NBPF15: variants seen among roughly 807,000 people sequenced by gnomAD.
NBPF15 encodes NBPF family member NBPF15.
In NBPF15, 74 loss-of-function variants were observed where a neutral mutation model predicts 62.2. The ratio of observed to expected loss-of-function variants is 1.19; its 90% CI spans 0.99 to 1.44. NBPF15 has a LOEUF of 1.44. NBPF15 is among the 40% of genes most tolerant of loss of function. NBPF15 has a pLI of 0.00. For missense variants in NBPF15, 790 were observed against 550.0 expected, an observed-to-expected ratio of 1.44 and a Z score of -4.36; for synonymous variants, 244 against 209.7, an observed-to-expected ratio of 1.16 and a Z score of -1.41.
chr1:144,450,940 G>T lies in NBPF15; in HGVS notation c.-431-70C>A, dbSNP rs368571967. 2.5e-5 allele frequency: 4 copies of T among 159,442 alleles called. No individual in the cohort carries two copies. In the East Asian group the frequency reaches 5.8e-4, roughly 23 times the overall value. 9.9% of individuals were successfully genotyped at this position (159,442 alleles called of 1,614,324 possible). A position where few individuals can be genotyped will look rare whatever the true frequency, so the allele number is the denominator to read the frequency against. ...CACACCTGTGGGCGTTTCTCGTTAGGTGGAAGGAGAGACTTGGAAAAGAAA... is the reference window on the plus strand; with the variant it reads ...CACACCTGTGGGCGTTTCTCGTTAGTTGGAAGGAGAGACTTGGAAAAGAAA... On this transcript the variant is annotated intron_variant, in intron 4 of 21. Coordinates refer to ENST00000581897, the MANE Select transcript of NBPF15 (RefSeq NM_001385408.1).
chr1:144,455,003 A>C (rs1693494620), intron 4 of NBPF15, among the ~76,000 whole-genome samples: 1 of 151,602 alleles, frequency 6.6e-6, no homozygotes, highest in African/African-American at 2.4e-5. Context: ...AGTAGAACAA[A>C]AAGGAAAGAA....
intron 4 of NBPF15, among the ~76,000 whole-genome samples, chr1:144,455,089 G>GAGGAAGGAAGGAAGGA (rs142085487): frequency 1.4e-5 from 2 of 139,922 alleles, no homozygotes; most frequent in South Asian, 4.8e-4. Flanking sequence ...GGGAAGGAAG[G>GAGGAAGGAAGGAAGGA]AGGAAGGAAG....
rs1252459235 is a variant in NBPF15 at position 144,428,347 on chromosome 1, C to T, written c.1040+259G>A. Among the ~76,000 whole-genome samples, 6 of 151,906 alleles carry T rather than the reference C, an allele frequency of 3.9e-5. No homozygotes were observed. In the South Asian group the frequency reaches 6.2e-4, roughly 16 times the overall value. On this transcript the variant is annotated intron_variant, in intron 15 of 21. Transcript: ENST00000581897. ...CCTCAATAATTTTGCATAAAATGTG[C>T]TCAAGTTTCCCTGCAGTTACCATGA...
chr1:144,424,392 C>T (rs1448636298), intron 20 of NBPF15, among the ~76,000 whole-genome samples: 1 of 151,724 alleles, frequency 6.6e-6, no homozygotes, highest in East Asian at 2.0e-4. Context: ...ATCTACAAAC[C>T]CTTGAGTCAA....
intron 8 of NBPF15, among the ~76,000 whole-genome samples, chr1:144,438,747 G>A (rs1356631902): frequency 9.9e-5 from 15 of 151,890 alleles, no homozygotes; most frequent in African/African-American, 3.6e-4. Flanking sequence ...ACAGAGGTAG[G>A]TATTATTGTA....
rs1652976123 is a variant in NBPF15, at chr1:144,461,374, G to C, written c.-938+7C>G. ...CCCAGCTGTGTACCCGCGGGTCCCG[G>C]ACTCACCGCCCGCCCGGCCTGGCGC... On this transcript the variant is annotated splice_region_variant and intron_variant, in intron 1 of 21. Coordinates refer to ENST00000581897, the MANE Select transcript of NBPF15 (RefSeq NM_001385408.1). 2 of 151,852 alleles carry C rather than the reference G, an allele frequency of 1.3e-5. No individual in the cohort carries two copies. The highest frequency in any genetic ancestry group is 4.2e-4 in the South Asian group (2 of 4,810). The allele number at this position is 151,852 out of a possible 1,614,324, so 9.4% of individuals were successfully genotyped here.
At chr1:144,438,840 C>G (rs1212285738) in intron 8 of NBPF15, among the ~76,000 whole-genome samples, 1 of 151,930 alleles carries the variant, frequency 6.6e-6, no homozygotes, top group Non-Finnish European at 1.5e-5. Flanking sequence ...CCCACAGTCC[C>G]TGCTCTGTAC....
At chr1:144,436,143 TC>T (rs1217792473) in intron 10 of NBPF15, among the ~76,000 whole-genome samples, 1 of 151,998 alleles carries the variant, frequency 6.6e-6, no homozygotes, top group Non-Finnish European at 1.5e-5. Context: ...GGCAGCTGTC[TC>T]CCCCATCCTG....
chr1:144,446,243 A>T (rs1309343941), intron 6 of NBPF15, among the ~76,000 whole-genome samples: 1 of 150,166 alleles, frequency 6.7e-6, no homozygotes, highest in Non-Finnish European at 1.5e-5. Flanking sequence ...CTCATTGCTA[A>T]TATACAGAAA....
chr1:144,427,644 A>T (rs1377198030), intron 16 of NBPF15, among the ~76,000 whole-genome samples, 174 bp downstream of exon 16: 6 of 146,004 alleles, frequency 4.1e-5, no homozygotes, highest in Non-Finnish European at 8.9e-5. Flanking sequence ...TCACTGATCC[A>T]TCCCTTGTCT....
At chr1:144,445,348 TATATATACACACAC>T (rs1331126003) in intron 6 of NBPF15, among the ~76,000 whole-genome samples, 28 of 130,098 alleles carry the variant, frequency 2.2e-4, no homozygotes, top group African/African-American at 6.0e-4. Context: ...TATATATATA[TATATATACACACAC>T]ACACACACAC....
In NBPF15 at chr1:144,447,045, AACC is replaced by A. The variant is rs1355289656; in HGVS notation, c.-191+1727_-191+1729del. Among the ~76,000 whole-genome samples, 17 of 151,178 alleles carry A rather than the reference AACC, an allele frequency of 1.1e-4. No individual in the cohort carries two copies. In the East Asian group the frequency reaches 2.5e-3, roughly 23 times the overall value. ...TCCCAGACACCTCACAATGATTAGTAACCACCACATGTCCCTGCCTCTCAAGGA... is the reference window on the plus strand; with the variant it reads ...TCCCAGACACCTCACAATGATTAGTAACCACATGTCCCTGCCTCTCAAGGA... On this transcript the variant is annotated intron_variant, in intron 6 of 21. Transcript: ENST00000581897.
In NBPF15 at chr1:144,423,898, C is replaced by G. The variant is rs1313152389; in HGVS notation, c.1741G>C (p.Gly581Arg). ...KKKRRRGRKE[G>R]EDDNPPCPRL... ...GGGCATGGTGGGTTGTCATCTTCCCCTTCTTTTCTTCCCCTTCTTCTTTTC... is the reference window on the plus strand; with the variant it reads ...GGGCATGGTGGGTTGTCATCTTCCCGTTCTTTTCTTCCCCTTCTTCTTTTC... Residue 581 changes from glycine (G) to arginine (R), a missense_variant, in exon 21 of 22, where the codon GGG (glycine) becomes CGG (arginine). Physicochemically the swap from Gly to Arg is moderately radical, Grantham distance 125. Transcript: ENST00000581897. The G allele has an allele frequency of 2.2e-5, 17 of 785,690 alleles. No individual in the cohort carries two copies. In the African/African-American group the frequency reaches 2.2e-4, roughly 10 times the overall value. The allele number at this position is 785,690 out of a possible 1,614,324, so 48.7% of individuals were successfully genotyped here.
At chr1:144,457,356 G>A (rs79783518) in intron 3 of NBPF15, among the ~76,000 whole-genome samples, 8 of 152,038 alleles carry the variant, frequency 5.3e-5, no homozygotes, top group Admixed American at 2.6e-4. Flanking sequence ...TCTACAGGCT[G>A]TCTCGCTGAG....
Position 144,422,860 on chromosome 1 carries a change from G to T in NBPF15, c.*153C>A. On this transcript the variant is annotated 3_prime_UTR_variant, in exon 22 of 22. Coordinates refer to ENST00000581897, the MANE Select transcript of NBPF15 (RefSeq NM_001385408.1). Reference sequence around the variant, plus strand: ...ATTGTCTTCAGATTGAGCACAGGTTGCCAATGGCATGGTTTGAGAATAGGA... The same window carrying T: ...ATTGTCTTCAGATTGAGCACAGGTTTCCAATGGCATGGTTTGAGAATAGGA... 1 of 1,565,340 alleles carries T rather than the reference G, an allele frequency of 6.4e-7. No homozygotes were observed. Among genetic ancestry groups the T allele is most frequent in the Non-Finnish European group, 8.7e-7 (1 of 1,154,928 alleles).
chr1:144,431,523 A>AG (rs1358670942), intron 13 of NBPF15, among the ~76,000 whole-genome samples: 1 of 150,740 alleles, frequency 6.6e-6, no homozygotes, highest in Admixed American at 6.6e-5. Context: ...TTTAAGTCTT[A>AG]GGGTACATGT....
chr1:144,440,076 A>G, intron 7 of NBPF15, 38 bp from the exon 8 acceptor site: 1 of 1,571,400 alleles, frequency 6.4e-7, no homozygotes, highest in Non-Finnish European at 8.7e-7. Context: ...TGGGTTAAAA[A>G]CTGGTGAAAT....
At chr1:144,461,314 C>T (rs1214948112) in intron 1 of NBPF15, 67 bp downstream of exon 1, 51 of 151,446 alleles carry the variant, frequency 3.4e-4, no homozygotes, top group African/African-American at 1.2e-3. Flanking sequence ...CGCCCTCCGT[C>T]GCTCGCAACA....
rs587750831 is a variant in NBPF15 at position 144,458,865 on chromosome 1, C to T, written c.-701+501G>A. 1.7e-3 allele frequency among the ~76,000 whole-genome samples: 259 copies of T among 151,796 alleles called. 2 individuals are homozygous for T. The highest frequency in any genetic ancestry group is 3.1e-3 in the Non-Finnish European group (210 of 67,916). On this transcript the variant is annotated intron_variant, in intron 3 of 21. Coordinates refer to ENST00000581897, the MANE Select transcript of NBPF15 (RefSeq NM_001385408.1). Reference sequence around the variant, plus strand: ...GACCAACCTGGGAAACATGTTGAATCCCAATCTCTACAAAAAATATGAAAA... The same window carrying T: ...GACCAACCTGGGAAACATGTTGAATTCCAATCTCTACAAAAAATATGAAAA...
Sources: allele counts gnomAD v4.1 joint callset (sites outside exome capture counted in the v4.1 genomes callset), GRCh38; gene constraint gnomAD v4.1.1; transcripts MANE v1.5; gene names NCBI Gene and HGNC (gene_info 2026-07-23, HGNC 2026-07-21).